The following PTPRC variants were observed in gnomAD, a reference collection of about 807,000 sequenced individuals.
PTPRC encodes the protein protein tyrosine phosphatase receptor type C, also known as receptor-type tyrosine-protein phosphatase C.
A neutral mutation model predicts 155.9 loss-of-function variants in PTPRC; 44 were observed. That is an observed-to-expected ratio of 0.28 (90% confidence interval 0.22 to 0.36). The LOEUF (loss-of-function observed/expected upper bound fraction) is 0.36. Among genes scored for constraint, PTPRC ranks in the 10% least tolerant of loss-of-function variants. The probability of loss-of-function intolerance (pLI) is 1.00; values close to 1 mark genes in which losing one functional copy is unlikely to be tolerated. For synonymous variants in PTPRC, 525 were observed against 533.1 expected (o/e 0.98, Z 0.21); for missense variants, 1,401 against 1,564.6 (o/e 0.90, Z 1.76).
At chr1:198,681,668 G>A (rs12092223) in intron 2 of PTPRC, among the ~76,000 whole-genome samples, 2,596 of 152,212 alleles carry the variant, frequency 0.017, 68 homozygotes, top group African/African-American at 0.059. Flanking sequence ...ATAAAGCTTA[G>A]TTGCTGGCCA....
chr1:198,729,789 G>A (rs1300109330), intron 17 of PTPRC, among the ~76,000 whole-genome samples: 2 of 152,142 alleles, frequency 1.3e-5, no homozygotes, highest in Non-Finnish European at 2.9e-5. Context: ...TGCCCTAGTA[G>A]TTGAATGTGT....
intron 4 of PTPRC, among the ~76,000 whole-genome samples, chr1:198,698,330 C>T (rs974321771): frequency 2.6e-5 from 4 of 152,114 alleles, no homozygotes; most frequent in Non-Finnish European, 4.4e-5. Flanking sequence ...GTTGAAATTA[C>T]CTTGAAAAGT....
intron 2 of PTPRC, among the ~76,000 whole-genome samples, chr1:198,675,914 C>T (rs1023326221): frequency 6.6e-6 from 1 of 152,118 alleles, no homozygotes; most frequent in Non-Finnish European, 1.5e-5. Context: ...AGAACTGTGT[C>T]AAAGACCGAA....
chr1:198,738,041 TC>T (rs1654729069), intron 23 of PTPRC, among the ~76,000 whole-genome samples: 1 of 151,812 alleles, frequency 6.6e-6, no homozygotes, highest in South Asian at 2.1e-4. Context: ...GTTAATCAGT[TC>T]TAATAGTTTT....
chr1:198,757,332 A>C lies in PTPRC; in HGVS notation c.*1151A>C, dbSNP rs1655733165. The C allele has an allele frequency of 2.6e-5, 4 of 151,814 alleles. No individual in the cohort carries two copies. 9.4% of individuals were successfully genotyped at this position (151,814 alleles called of 1,614,324 possible). A position where few individuals can be genotyped will look rare whatever the true frequency, so the allele number is the denominator to read the frequency against. ...ATGAAATGTGTATGCACCTATTGAA[A>C]TATGTTTAATGCATTTATTAACATT... On this transcript the variant is annotated 3_prime_UTR_variant, in exon 33 of 33. Coordinates refer to ENST00000442510, the MANE Select transcript of PTPRC (RefSeq NM_002838.5).
At chr1:198,674,084 C>A (rs565975037) in intron 2 of PTPRC, among the ~76,000 whole-genome samples, 1 of 152,246 alleles carries the variant, frequency 6.6e-6, no homozygotes, top group East Asian at 1.9e-4. Flanking sequence ...TGACTAAACC[C>A]AGATTTATCT....
At chr1:198,754,497 C>G in intron 32 of PTPRC, 93 bp downstream of exon 32, 1 of 1,444,538 alleles carries the variant, frequency 6.9e-7, no homozygotes, top group Admixed American at 1.9e-5. Context: ...CCTTTCCTCT[C>G]GTTTGTTCTT....
Position 198,756,319 on chromosome 1 carries a change from C to T in PTPRC, c.*138C>T. Reference sequence around the variant, plus strand: ...ATATTTGTAGAAGGGTTATATTTTACTACTGTGGAAAAATATTTAAGATAG... The same window carrying T: ...ATATTTGTAGAAGGGTTATATTTTATTACTGTGGAAAAATATTTAAGATAG... On this transcript the variant is annotated 3_prime_UTR_variant, in exon 33 of 33. Transcript: ENST00000442510. 8.9e-7 allele frequency: 1 copy of T among 1,120,802 alleles called. No individual in the cohort carries two copies. The allele number at this position is 1,120,802 out of a possible 1,614,324, so 69.4% of individuals were successfully genotyped here.
intron 10 of PTPRC, among the ~76,000 whole-genome samples, chr1:198,709,188 A>ATT (rs1294106633): frequency 6.6e-6 from 1 of 152,240 alleles, no homozygotes; most frequent in African/African-American, 2.4e-5. Flanking sequence ...AAATGTTCTC[A>ATT]GAATCCAGTA....
At chr1:198,735,422 G>A (rs1474521318) in intron 23 of PTPRC, among the ~76,000 whole-genome samples, 170 bp downstream of exon 23, 1 of 151,424 alleles carries the variant, frequency 6.6e-6, no homozygotes, top group African/African-American at 2.4e-5. Flanking sequence ...TCAAATTTAA[G>A]TCACTGGTCA....
rs769300403 is a variant in PTPRC at position 198,744,145 on chromosome 1, A to C, written c.2789A>C (p.His930Pro). ...TTGTCTGAATTACATCCATATCTACATAACATGAAGAAAAGGGATCCACCC... is the reference window on the plus strand; with the variant it reads ...TTGTCTGAATTACATCCATATCTACCTAACATGAAGAAAAGGGATCCACCC... Reference protein sequence around the residue: ...VNLSELHPYLHNMKKRDPPSE... With the variant: ...VNLSELHPYLPNMKKRDPPSE... The change falls in exon 26 of 33, where the codon CAT (histidine) becomes CCT (proline). Residue 930 changes from histidine (H) to proline (P), a missense_variant. By Grantham distance (77) the His-to-Pro change is moderately conservative (BLOSUM62 -2). Transcript: ENST00000442510. 26 of 1,606,452 alleles carry C rather than the reference A, an allele frequency of 1.6e-5. No homozygotes were observed. The South Asian group carries it at 2.5e-4, about 16-fold the overall frequency.
intron 2 of PTPRC, among the ~76,000 whole-genome samples, chr1:198,684,748 C>A (rs1429686901): frequency 6.6e-6 from 1 of 151,874 alleles, no homozygotes; most frequent in East Asian, 1.9e-4. Context: ...TAACCTCTTG[C>A]TCTTTGTTCA....
intron 2 of PTPRC, among the ~76,000 whole-genome samples, chr1:198,685,262 T>G (rs2102344848): frequency 6.6e-6 from 1 of 152,112 alleles, no homozygotes; most frequent in South Asian, 2.1e-4. Flanking sequence ...AATCTAGCAC[T>G]TTCCTCGTGT....
chr1:198,675,714 G>A (rs1304976406), intron 2 of PTPRC, among the ~76,000 whole-genome samples: 1 of 152,078 alleles, frequency 6.6e-6, no homozygotes, highest in African/African-American at 2.4e-5. Context: ...CTGGTAAACT[G>A]ATCACTTGAG....
chr1:198,719,714 G>T (rs1653788980), intron 14 of PTPRC, among the ~76,000 whole-genome samples: 1 of 151,854 alleles, frequency 6.6e-6, no homozygotes, highest in Admixed American at 6.6e-5. Flanking sequence ...GGGTTCAAAT[G>T]ATTCTCCTGC....
intron 14 of PTPRC, 37 bp from the exon 15 acceptor site, chr1:198,722,379 C>A (rs1336751073): frequency 1.7e-6 from 2 of 1,162,330 alleles, no homozygotes; most frequent in Non-Finnish European, 2.3e-6. Flanking sequence ...TTCACATTAG[C>A]AAACTAATTA....
At chr1:198,679,674 TA>T in intron 2 of PTPRC, 1 of 313,470 alleles carries the variant, frequency 3.2e-6, no homozygotes. Flanking sequence ...GTCCTGTTTG[TA>T]AACCAGCCAG....
Position 198,718,116 on chromosome 1 carries a change from G to A in PTPRC, c.1473G>A (p.Met491Ile), listed in dbSNP as rs757887582. The A allele has an allele frequency of 1.2e-6, 2 of 1,613,376 alleles. No individual in the cohort carries two copies. The highest frequency in any genetic ancestry group is 1.3e-5 in the African/African-American group (1 of 74,876). Reference sequence around the variant, plus strand: ...TAGCTCCAAGCCAGGTCTGGAACATGACTGTCTCCATGACATCAGATAATA... The same window carrying A: ...TAGCTCCAAGCCAGGTCTGGAACATAACTGTCTCCATGACATCAGATAATA... ...KSAPPSQVWN[M>I]TVSMTSDNSM... is the part of the protein sequence containing the mutation. Residue 491 changes from methionine to isoleucine, a missense_variant, in exon 14 of 33, where the codon ATG becomes ATA. Physicochemically the swap from Met to Ile is conservative, Grantham distance 10 (BLOSUM62 1). This residue lies in a region of PTPRC where 867 missense variants were observed against 970.4 expected (regional missense o/e 0.89). Coordinates refer to ENST00000442510, the MANE Select transcript of PTPRC (RefSeq NM_002838.5).
chr1:198,725,865 G>A (rs1002836972), intron 15 of PTPRC, among the ~76,000 whole-genome samples: 3 of 152,074 alleles, frequency 2.0e-5, no homozygotes, highest in Admixed American at 1.3e-4. Context: ...TTAGGCTGTG[G>A]CCTCCTTTCT....
Sources: allele counts gnomAD v4.1 joint callset (sites outside exome capture counted in the v4.1 genomes callset), GRCh38; gene constraint gnomAD v4.1.1; regional missense constraint gnomAD v4.1.1; transcripts MANE v1.5; gene names NCBI Gene and HGNC (gene_info 2026-07-23, HGNC 2026-07-21).